SPOCK1: variants seen among roughly 807,000 people sequenced by gnomAD.
The protein encoded by SPOCK1 is SPARC (osteonectin), cwcv and kazal like domains proteoglycan 1, also known as testican-1.
Under a neutral mutation model 55.3 loss-of-function variants are expected in SPOCK1, and 23 were observed. The ratio of observed to expected loss-of-function variants is 0.42; its 90% CI spans 0.30 to 0.59. The LOEUF (loss-of-function observed/expected upper bound fraction) is 0.59, where lower values mean the gene tolerates loss of function less well. Among genes scored for constraint, SPOCK1 ranks in the 20% least tolerant of loss-of-function variants. The pLI, the probability that SPOCK1 is intolerant of heterozygous loss-of-function variation, is 0.22. For synonymous variants in SPOCK1, 226 were observed against 221.0 expected (o/e 1.02, Z -0.20); for missense variants, 499 against 552.5 (o/e 0.90, Z 0.97).
intron 3 of SPOCK1, among the ~76,000 whole-genome samples, chr5:137,223,178 C>G (rs891747369): frequency 6.6e-6 from 1 of 151,928 alleles, no homozygotes; most frequent in African/African-American, 2.4e-5. Context: ...CAGGAACAGA[C>G]CACCATTTCC....
At chr5:137,177,454 C>G (rs1754876803) in intron 3 of SPOCK1, among the ~76,000 whole-genome samples, 1 of 151,470 alleles carries the variant, frequency 6.6e-6, no homozygotes, top group South Asian at 2.1e-4. Context: ...AGCTTGGGGA[C>G]AGAGAAAGTG....
intron 5 of SPOCK1, among the ~76,000 whole-genome samples, chr5:137,072,428 T>C (rs1269975653): frequency 6.6e-6 from 1 of 152,134 alleles, no homozygotes; most frequent in Non-Finnish European, 1.5e-5. Flanking sequence ...CCTGCCCTTA[T>C]CACTGCAGAC....
At chr5:137,380,695 G>A (rs563989151) in intron 2 of SPOCK1, among the ~76,000 whole-genome samples, 4 of 152,188 alleles carry the variant, frequency 2.6e-5, no homozygotes, top group Admixed American at 1.3e-4. Context: ...TCACTAATTC[G>A]AGAATGGCAG....
intron 2 of SPOCK1, among the ~76,000 whole-genome samples, chr5:137,369,636 G>A (rs947146896): frequency 1.4e-4 from 21 of 152,198 alleles, no homozygotes; most frequent in Non-Finnish European, 2.1e-4. Flanking sequence ...ATACATTAGA[G>A]TGAGTGGCCT....
chr5:137,141,053 C>A (rs1754087600), intron 3 of SPOCK1, among the ~76,000 whole-genome samples: 2 of 152,156 alleles, frequency 1.3e-5, no homozygotes, highest in Admixed American at 6.5e-5. Flanking sequence ...AGCCACTGCA[C>A]CGGGCCTTAA....
intron 2 of SPOCK1, among the ~76,000 whole-genome samples, chr5:137,434,667 T>C (rs900967643): frequency 5.4e-5 from 8 of 148,144 alleles, no homozygotes; most frequent in Admixed American, 4.7e-4. Context: ...GCCCAGCTAA[T>C]TTTTTTTTTA....
intron 3 of SPOCK1, among the ~76,000 whole-genome samples, chr5:137,201,627 C>T (rs768785011): frequency 3.9e-5 from 6 of 152,196 alleles, no homozygotes; most frequent in Non-Finnish European, 4.4e-5. Flanking sequence ...CCAACGTTAA[C>T]ATTTGAAAAT....
At chr5:137,283,779 T>C (rs1757212032) in intron 2 of SPOCK1, among the ~76,000 whole-genome samples, 1 of 151,506 alleles carries the variant, frequency 6.6e-6, no homozygotes, top group African/African-American at 2.4e-5. Context: ...GAAAATATTC[T>C]GCAAATAGCA....
chr5:137,012,929 T>A (rs1207300702), intron 6 of SPOCK1, among the ~76,000 whole-genome samples: 1 of 152,140 alleles, frequency 6.6e-6, no homozygotes, highest in Non-Finnish European at 1.5e-5. Flanking sequence ...CAAAGAAGAA[T>A]ATTATGACAT....
chr5:137,006,174 T>C (rs944769169), intron 6 of SPOCK1, among the ~76,000 whole-genome samples: 2 of 152,192 alleles, frequency 1.3e-5, no homozygotes, highest in East Asian at 1.9e-4. Flanking sequence ...CTTAGGATTG[T>C]CTTGGCTATA....
At chr5:137,030,180 T>C (rs1018454300) in intron 6 of SPOCK1, among the ~76,000 whole-genome samples, 1 of 152,174 alleles carries the variant, frequency 6.6e-6, no homozygotes, top group African/African-American at 2.4e-5. Flanking sequence ...ATATACCGGG[T>C]AGAGTGATGG....
At chr5:137,446,021 C>T (rs1191597099) in intron 2 of SPOCK1, among the ~76,000 whole-genome samples, 2 of 152,034 alleles carry the variant, frequency 1.3e-5, no homozygotes, top group African/African-American at 4.8e-5. Context: ...CAAATTCCTC[C>T]CCTATAAAAA....
At chr5:137,016,550 C>A (rs1580708966) in intron 6 of SPOCK1, among the ~76,000 whole-genome samples, 1 of 152,168 alleles carries the variant, frequency 6.6e-6, no homozygotes, top group South Asian at 2.1e-4. Context: ...TACTAAAAAA[C>A]CCAGATTATA....
chr5:137,146,328 T>A (rs1754192254), intron 3 of SPOCK1, among the ~76,000 whole-genome samples: 1 of 152,088 alleles, frequency 6.6e-6, no homozygotes, highest in Non-Finnish European at 1.5e-5. Flanking sequence ...AAAAGATTAA[T>A]CTAAAACAGC....
intron 2 of SPOCK1, among the ~76,000 whole-genome samples, chr5:137,279,577 C>T (rs1757131604): frequency 6.6e-6 from 1 of 152,144 alleles, no homozygotes; most frequent in Admixed American, 6.5e-5. Context: ...AAGCATGAGC[C>T]CAGGTGCAAC....
intron 5 of SPOCK1, among the ~76,000 whole-genome samples, chr5:137,094,067 T>C (rs1753098463): frequency 6.6e-6 from 1 of 152,022 alleles, no homozygotes; most frequent in Admixed American, 6.6e-5. Context: ...AGGATATAGT[T>C]TAGAGTGAAG....
rs140152798 is a variant in SPOCK1 at position 137,008,779 on chromosome 5, T to C, written c.590-16179A>G. Among the ~76,000 whole-genome samples the C allele has an allele frequency of 1.4e-3, 220 of 152,202 alleles. 1 individual carries two copies. Among genetic ancestry groups the C allele is most frequent in the African/African-American group, 4.5e-3 (185 of 41,536 alleles). On this transcript the variant is annotated intron_variant, in intron 6 of 10. Transcript: ENST00000394945. ...TGACAGAATTAAAAGCTGAGTAATA[T>C]AATATTGAACATATTTCACTGAACA...
chr5:137,110,569 T>A (rs1442299035), intron 5 of SPOCK1, among the ~76,000 whole-genome samples: 1 of 152,204 alleles, frequency 6.6e-6, no homozygotes, highest in Non-Finnish European at 1.5e-5. Context: ...GCAAGTCCTG[T>A]TACTATAAAC....
chr5:137,105,276 A>T (rs898861365), intron 5 of SPOCK1, among the ~76,000 whole-genome samples: 1 of 152,194 alleles, frequency 6.6e-6, no homozygotes, highest in African/African-American at 2.4e-5. Flanking sequence ...CTGCTTAGTC[A>T]GAAGCAAGGC....
Sources: gnomAD v4.1 joint callset for allele counts (sites outside exome capture counted in the v4.1 genomes callset) on GRCh38, gnomAD v4.1.1 for gene constraint, MANE v1.5 for transcripts, NCBI Gene and HGNC (gene_info 2026-07-23, HGNC 2026-07-21) for gene names.